Variants in KIF2A observed in about 807,000 individuals in gnomAD.
The protein encoded by KIF2A is kinesin family member 2A, also known as kinesin-like protein KIF2A.
Under a neutral mutation model 100.2 loss-of-function variants are expected in KIF2A, and 22 were observed. The observed-to-expected ratio is 0.22, with a 90% CI of 0.16 to 0.31. The LOEUF (loss-of-function observed/expected upper bound fraction) is 0.31. Among genes scored for constraint, KIF2A ranks in the 10% least tolerant of loss-of-function variants. The pLI, the probability that KIF2A is intolerant of heterozygous loss-of-function variation, is 1.00. For missense variants in KIF2A, 495 were observed against 898.7 expected, an observed-to-expected ratio of 0.55 and a Z score of 5.74; for synonymous variants, 268 against 285.9, an observed-to-expected ratio of 0.94 and a Z score of 0.63.
chr5:62,337,122 T>C (rs1746999054), intron 1 of KIF2A, among the ~76,000 whole-genome samples: 1 of 152,204 alleles, frequency 6.6e-6, no homozygotes, highest in Non-Finnish European at 1.5e-5. Flanking sequence ...ACTCAAGAGT[T>C]GAATAATCTA....
At position 62,388,834 on chromosome 5, in the gene KIF2A, T is replaced by G. The variant is rs992067259; in HGVS notation, c.*3265T>G. ...ATTATATATTAAAAACTTTGATACTTAGAACTTTCCAACTTTAAAATTCAG... is the reference window on the plus strand; with the variant it reads ...ATTATATATTAAAAACTTTGATACTGAGAACTTTCCAACTTTAAAATTCAG... On this transcript the variant is annotated 3_prime_UTR_variant, in exon 21 of 21. Transcript: ENST00000407818. 26 of 640,388 alleles carry G rather than the reference T, an allele frequency of 4.1e-5. No individual in the cohort carries two copies. The highest frequency in any genetic ancestry group is 1.8e-5 in the African/African-American group (1 of 54,098). The allele number at this position is 640,388 out of a possible 1,614,324, so 39.7% of individuals were successfully genotyped here.
chr5:62,380,588 C>T (rs1741733958), intron 19 of KIF2A, among the ~76,000 whole-genome samples: 1 of 152,030 alleles, frequency 6.6e-6, no homozygotes, highest in South Asian at 2.1e-4. Context: ...TGACTATTGA[C>T]CAGAAGCCTT....
At position 62,389,711 on chromosome 5, in the gene KIF2A, A is replaced by C. The variant is rs560240500; in HGVS notation, c.*4142A>C. On this transcript the variant is annotated 3_prime_UTR_variant, in exon 21 of 21. Coordinates refer to ENST00000407818, the MANE Select transcript of KIF2A (RefSeq NM_001098511.3). The stretch of plus-strand genomic sequence containing the variant: ...GGAATTGGCAGAAGTCAGATGAAAA[A>C]CCAATCTTACATGCCCCTTCTTCCT... 3.2e-4 allele frequency among the ~76,000 whole-genome samples: 49 copies of C among 152,174 alleles called. No homozygotes were observed. The South Asian group carries it at 9.3e-3, about 29-fold the overall frequency.
chr5:62,306,614 G>A (rs896836510), intron 1 of KIF2A, 78 bp downstream of exon 1: 12 of 1,197,756 alleles, frequency 1.0e-5, no homozygotes, highest in Non-Finnish European at 1.2e-5. Context: ...GGCGCCGGCC[G>A]CCTCATTGAT....
chr5:62,346,248 G>T (rs1275979669), intron 1 of KIF2A, among the ~76,000 whole-genome samples: 4 of 152,054 alleles, frequency 2.6e-5, no homozygotes, highest in Admixed American at 6.6e-5. Context: ...TCTACAGATT[G>T]TAAGACTGGA....
chr5:62,326,930 G>C (rs1048414837), intron 1 of KIF2A, among the ~76,000 whole-genome samples: 10 of 152,110 alleles, frequency 6.6e-5, no homozygotes, highest in African/African-American at 2.4e-4. Flanking sequence ...CGGGGAGGCG[G>C]AGATTGCAGT....
chr5:62,349,892 G>A (rs1452148499), intron 3 of KIF2A, among the ~76,000 whole-genome samples, 174 bp from the exon 4 acceptor site: 1 of 152,068 alleles, frequency 6.6e-6, no homozygotes, highest in Non-Finnish European at 1.5e-5. Context: ...AATATATAAA[G>A]GAACTTGAAT....
intron 1 of KIF2A, among the ~76,000 whole-genome samples, chr5:62,336,370 C>T (rs1228457225): frequency 6.6e-6 from 1 of 152,114 alleles, no homozygotes; most frequent in Admixed American, 6.6e-5. Flanking sequence ...GAAGGCAGCC[C>T]AGTACAGTTA....
At position 62,389,140 on chromosome 5, in the gene KIF2A, C is replaced by T; in HGVS notation, c.*3571C>T. The T allele has an allele frequency of 3.5e-6, 4 of 1,150,108 alleles. No homozygotes were observed. The South Asian group carries it at 5.6e-5, about 16-fold the overall frequency. 71.2% of individuals were successfully genotyped at this position (1,150,108 alleles called of 1,614,324 possible). ...TAGTTCTATACCATTAATACTAAAA[C>T]ATGAATACAGCATGCTTACAGAGCC... is the stretch of plus-strand genomic sequence containing the variant. On this transcript the variant is annotated 3_prime_UTR_variant, in exon 21 of 21. Coordinates refer to ENST00000407818, the MANE Select transcript of KIF2A (RefSeq NM_001098511.3).
rs115508439 is a variant in KIF2A at position 62,313,121 on chromosome 5, T to C, written c.64+6585T>C. ...CAAAAAATGAATAAAGCAAAAATAG[T>C]TCCTGCCCTCACAAACAAGTAAATA... On this transcript the variant is annotated intron_variant, in intron 1 of 20. Coordinates refer to ENST00000407818, the MANE Select transcript of KIF2A (RefSeq NM_001098511.3). Among the ~76,000 whole-genome samples the C allele has an allele frequency of 6.6e-3, 1,002 of 152,292 alleles. 19 individuals are homozygous for C. Among genetic ancestry groups the C allele is most frequent in the African/African-American group, 0.023 (959 of 41,564 alleles).
At chr5:62,384,118 T>C (rs1741910325) in intron 20 of KIF2A, among the ~76,000 whole-genome samples, 1 of 152,042 alleles carries the variant, frequency 6.6e-6, no homozygotes, top group African/African-American at 2.4e-5. Flanking sequence ...ATGCCTGTAG[T>C]CCCAGCTACT....
chr5:62,323,195 G>T (rs1746191734), intron 1 of KIF2A, among the ~76,000 whole-genome samples: 2 of 151,184 alleles, frequency 1.3e-5, no homozygotes, highest in African/African-American at 4.9e-5. Context: ...GGTGGAGGTT[G>T]CCGTGAGCCA....
chr5:62,349,816 G>GAAGA (rs1424463251), intron 3 of KIF2A, among the ~76,000 whole-genome samples: 1 of 152,166 alleles, frequency 6.6e-6, no homozygotes, highest in East Asian at 1.9e-4. Flanking sequence ...AGGTTGTTGT[G>GAAGA]AAGAAAGTCC....
chr5:62,377,052 T>A (rs1048546261), intron 18 of KIF2A, among the ~76,000 whole-genome samples: 1 of 152,226 alleles, frequency 6.6e-6, no homozygotes, highest in Non-Finnish European at 1.5e-5. Flanking sequence ...TGTTCAAACA[T>A]GTATTGTTCT....
At chr5:62,307,159 G>C (rs1438422035) in intron 1 of KIF2A, 1 of 152,060 alleles carries the variant, frequency 6.6e-6, no homozygotes, top group African/African-American at 2.4e-5. Flanking sequence ...AGAATATCGC[G>C]CTGAGCCATG....
intron 1 of KIF2A, among the ~76,000 whole-genome samples, chr5:62,346,809 C>G (rs1256215659): frequency 6.6e-6 from 1 of 152,180 alleles, no homozygotes; most frequent in African/African-American, 2.4e-5. Flanking sequence ...ATAGTAAGGA[C>G]ACTTTCTAAT....
intron 1 of KIF2A, among the ~76,000 whole-genome samples, chr5:62,326,082 A>C (rs1211128648): frequency 6.6e-6 from 1 of 152,090 alleles, no homozygotes; most frequent in Non-Finnish European, 1.5e-5. Context: ...CATGCAATTT[A>C]CTCATGTAAC....
chr5:62,317,200 C>T (rs1177931792), intron 1 of KIF2A, among the ~76,000 whole-genome samples: 1 of 152,162 alleles, frequency 6.6e-6, no homozygotes, highest in Non-Finnish European at 1.5e-5. Context: ...AGGCATGCGC[C>T]ACCGTGCCCA....
intron 18 of KIF2A, 111 bp downstream of exon 18, chr5:62,373,948 C>A: frequency 1.1e-6 from 1 of 883,878 alleles, no homozygotes; most frequent in Non-Finnish European, 1.8e-6. Flanking sequence ...TGTGGTGGCT[C>A]AAGCTTGTAA....
Sources: gnomAD v4.1 joint callset for allele counts (sites outside exome capture counted in the v4.1 genomes callset) on GRCh38, gnomAD v4.1.1 for gene constraint, MANE v1.5 for transcripts, NCBI Gene and HGNC (gene_info 2026-07-23, HGNC 2026-07-21) for gene names.